EPB41L1: variants seen among roughly 807,000 people sequenced by gnomAD.
EPB41L1 encodes the protein erythrocyte membrane protein band 4.1 like 1.
A neutral mutation model predicts 97.8 loss-of-function variants in EPB41L1; 29 were observed. The ratio of observed to expected loss-of-function variants is 0.30; its 90% CI spans 0.22 to 0.40. The LOEUF (loss-of-function observed/expected upper bound fraction) is 0.40. EPB41L1 is among the 10% of genes least tolerant of loss of function. The probability of loss-of-function intolerance (pLI) is 1.00; values close to 1 mark genes in which losing one functional copy is unlikely to be tolerated. For synonymous variants in EPB41L1, 383 were observed against 459.2 expected (o/e 0.83, Z 2.12); for missense variants, 812 against 1,162.3 (o/e 0.70, Z 4.38).
chr20:36,192,082 C>T (rs938125563), intron 11 of EPB41L1, among the ~76,000 whole-genome samples: 4 of 151,840 alleles, frequency 2.6e-5, no homozygotes, highest in East Asian at 1.9e-4. Flanking sequence ...AAAAATTAGC[C>T]GGGCGTGGTG....
At chr20:36,138,251 T>C (rs6060815) in intron 2 of EPB41L1, among the ~76,000 whole-genome samples, 20 of 151,712 alleles carry the variant, frequency 1.3e-4, no homozygotes, top group African/African-American at 4.1e-4. Flanking sequence ...TGCTGGGTTG[T>C]ATGGTTAGCA....
intron 2 of EPB41L1, among the ~76,000 whole-genome samples, chr20:36,134,852 CTTTTTTTTTT>C (rs764236552): frequency 0.016 from 1,679 of 107,688 alleles, 33 homozygotes; most frequent in African/African-American, 0.058. Flanking sequence ...TTTTCTCTGT[CTTTTTTTTTT>C]TTTTTTTTTT....
intron 2 of EPB41L1, chr20:36,113,620 G>C (rs945030895): frequency 6.6e-6 from 1 of 152,510 alleles, no homozygotes; most frequent in African/African-American, 2.4e-5. Flanking sequence ...GAGCGATTTG[G>C]CTCCTTCCTA....
chr20:36,223,925 A>G (rs1040833949), intron 21 of EPB41L1, among the ~76,000 whole-genome samples: 1 of 152,366 alleles, frequency 6.6e-6, no homozygotes, highest in Admixed American at 6.5e-5. Flanking sequence ...CCCCACAAAT[A>G]TAATTGCTGG....
chr20:36,103,994 G>A (rs1033023207), intron 1 of EPB41L1, among the ~76,000 whole-genome samples: 6 of 152,174 alleles, frequency 3.9e-5, no homozygotes, highest in Admixed American at 2.6e-4. Context: ...GTGAGCCACC[G>A]CCCCGGCATT....
At position 36,166,046 on chromosome 20, in the gene EPB41L1, T is replaced by C. The variant is rs188647508; in HGVS notation, c.-14-7718T>C. Among the ~76,000 whole-genome samples the C allele has an allele frequency of 6.6e-4, 101 of 152,340 alleles. No individual in the cohort carries two copies. The East Asian group carries it at 0.017, about 26-fold the overall frequency. On this transcript the variant is annotated intron_variant, in intron 1 of 21. Coordinates refer to ENST00000338074, the MANE Select transcript of EPB41L1 (RefSeq NM_012156.2). ...GACTTTGGATGGAAACATCAGGTGTTGAGATAAAATAAATCATCAGGAGAG... is the reference window on the plus strand; with the variant it reads ...GACTTTGGATGGAAACATCAGGTGTCGAGATAAAATAAATCATCAGGAGAG...
At chr20:36,168,838 C>T (rs536841868) in intron 1 of EPB41L1, among the ~76,000 whole-genome samples, 6 of 152,100 alleles carry the variant, frequency 3.9e-5, no homozygotes, top group South Asian at 2.1e-4. Context: ...AGGCGTGAGC[C>T]GCCACACTGG....
At chr20:36,162,915 T>A (rs546369956) in intron 1 of EPB41L1, among the ~76,000 whole-genome samples, 1 of 152,286 alleles carries the variant, frequency 6.6e-6, no homozygotes, top group South Asian at 2.1e-4. Context: ...CAGACTCAGC[T>A]CCCTTTTTGA....
intron 2 of EPB41L1, among the ~76,000 whole-genome samples, chr20:36,123,987 A>T (rs1308529825): frequency 1.3e-5 from 2 of 152,272 alleles, no homozygotes; most frequent in Non-Finnish European, 2.9e-5. Flanking sequence ...AGTGGCCCAC[A>T]CCTGTAATCC....
At position 36,185,331 on chromosome 20, in the gene EPB41L1, T is replaced by C. The variant is rs2061639803; in HGVS notation, c.781T>C (p.Tyr261His). Residue 261 changes from tyrosine (Y) to histidine (H), a missense_variant, in exon 7 of 22, where the codon TAT becomes CAT. Coordinates refer to ENST00000338074, the MANE Select transcript of EPB41L1 (RefSeq NM_012156.2). ...GAGGATCATGGAGCTGCATAAGACA[T>C]ATAGGTAAGAGGGTGCCAGCCAGGG... ...EERIMELHKTYRGMTPGEAEI... is the reference protein window; with the variant it reads ...EERIMELHKTHRGMTPGEAEI... The C allele has an allele frequency of 6.2e-7, 1 of 1,612,386 alleles. No individual in the cohort carries two copies. Among genetic ancestry groups the C allele is most frequent in the Admixed American group, 1.7e-5 (1 of 60,008 alleles).
intron 21 of EPB41L1, among the ~76,000 whole-genome samples, chr20:36,226,142 C>T (rs1367736323): frequency 2.0e-5 from 3 of 152,200 alleles, no homozygotes; most frequent in Non-Finnish European, 2.9e-5. Flanking sequence ...GAGGTCTCCT[C>T]TGAATTCAAA....
chr20:36,207,472 C>T lies in EPB41L1; in HGVS notation c.1669-2016C>T. 1 of 1,289,810 alleles carries T rather than the reference C, an allele frequency of 7.8e-7. No homozygotes were observed. Among genetic ancestry groups the T allele is most frequent in the Non-Finnish European group, 1.0e-6 (1 of 988,870 alleles). The allele number at this position is 1,289,810 out of a possible 1,614,324, so 79.9% of individuals were successfully genotyped here. On this transcript the variant is annotated intron_variant, in intron 14 of 21. Coordinates refer to ENST00000338074, the MANE Select transcript of EPB41L1 (RefSeq NM_012156.2). This position sits in a 1 kb window ranked among gnomAD's most constrained non-coding sequence, Gnocchi z 4.9. ...CAACAAAATTCGGATATTTGAGACC[C>T]ACGGAGCTGAAACTCGCCGAATGAG...
chr20:36,215,314 C>T (rs2063377584), intron 17 of EPB41L1, among the ~76,000 whole-genome samples: 1 of 152,168 alleles, frequency 6.6e-6, no homozygotes, highest in East Asian at 1.9e-4. Flanking sequence ...CCACTTTCAA[C>T]CCCAGCCACT....
intron 2 of EPB41L1, among the ~76,000 whole-genome samples, chr20:36,129,467 A>G (rs938875070): frequency 3.3e-5 from 5 of 152,130 alleles, no homozygotes; most frequent in Non-Finnish European, 1.5e-5. Flanking sequence ...TTGTTAGATC[A>G]TTCTTGGCAC....
At chr20:36,215,337 C>G (rs6119705) in intron 17 of EPB41L1, among the ~76,000 whole-genome samples, 1 of 152,168 alleles carries the variant, frequency 6.6e-6, no homozygotes. Flanking sequence ...GCTCTGCTTC[C>G]TTAATCCTGA....
intron 1 of EPB41L1, among the ~76,000 whole-genome samples, chr20:36,161,930 T>TG (rs201722455): frequency 0.01 from 1,534 of 151,580 alleles, 25 homozygotes; most frequent in African/African-American, 0.035. Context: ...CCGGCTAATT[T>TG]GGGGGGGGCA....
At position 36,206,753 on chromosome 20, in the gene EPB41L1, A is replaced by G. The variant is rs973060582; in HGVS notation, c.1669-2735A>G. The G allele has an allele frequency of 5.4e-6, 7 of 1,289,748 alleles. No individual in the cohort carries two copies. In the African/African-American group the frequency reaches 9.1e-5, roughly 17 times the overall value. 79.9% of individuals were successfully genotyped at this position (1,289,748 alleles called of 1,614,324 possible). On this transcript the variant is annotated intron_variant, in intron 14 of 21. Transcript: ENST00000338074. The surrounding 1 kb of genome is among the most constrained non-coding windows in gnomAD (Gnocchi z 5.5). ...TTTGCTGAAGGCTGGGAAGATGCCC[A>G]GTGGGGAGTGGAAGGAGAGTTTCCC...
At chr20:36,100,310 T>A (rs764278813) in intron 1 of EPB41L1, among the ~76,000 whole-genome samples, 2 of 152,222 alleles carry the variant, frequency 1.3e-5, no homozygotes, top group Non-Finnish European at 2.9e-5. Flanking sequence ...CTCTCCCTTC[T>A]GTCTGCTTTC....
At chr20:36,102,824 G>C (rs997848889) in intron 1 of EPB41L1, among the ~76,000 whole-genome samples, 4 of 152,184 alleles carry the variant, frequency 2.6e-5, no homozygotes, top group African/African-American at 7.2e-5. Context: ...TGAGCAAGGT[G>C]CCTGTGAATC....
Sources: gnomAD v4.1 joint callset for allele counts (sites outside exome capture counted in the v4.1 genomes callset) on GRCh38, gnomAD v4.1.1 for gene constraint, Gnocchi (gnomAD v3.1) non-coding constraint, MANE v1.5 for transcripts, NCBI Gene and HGNC (gene_info 2026-07-23, HGNC 2026-07-21) for gene names.